KHDRBS2: variants seen among roughly 807,000 people sequenced by gnomAD.
KHDRBS2 encodes the protein KH domain-containing, RNA-binding, signal transduction-associated protein 2.
A neutral mutation model predicts 44.3 loss-of-function variants in KHDRBS2; 26 were observed. The observed-to-expected ratio is 0.59, with a 90% CI of 0.43 to 0.81. The LOEUF is 0.81. KHDRBS2 is among the 40% of genes least tolerant of loss of function. The pLI is 0.00. For missense variants in KHDRBS2, 476 were observed against 433.1 expected (o/e 1.10, Z -0.88); for synonymous variants, 194 against 151.1 (o/e 1.28, Z -2.08).
the KHDRBS2 span, among the ~76,000 whole-genome samples, chr6:61,643,078 A>G: frequency 6.6e-6 from 1 of 152,176 alleles, no homozygotes; most frequent in Non-Finnish European, 1.5e-5. Context: ...GTATACATAT[A>G]TATTCTGATA....
At chr6:61,625,811 G>A in the KHDRBS2 span, among the ~76,000 whole-genome samples, 34 of 152,126 alleles carry the variant, frequency 2.2e-4, no homozygotes, top group African/African-American at 6.3e-4. Flanking sequence ...GGATTCAAAC[G>A]GGCACATCAG....
chr6:61,721,676 T>C (rs1772578681), intron 7 of KHDRBS2, among the ~76,000 whole-genome samples: 1 of 123,544 alleles, frequency 8.1e-6, no homozygotes, highest in African/African-American at 2.7e-5. Context: ...AAGGAGATTT[T>C]GGGCTGAGAC....
chr6:62,282,771 T>C (rs1266851559), intron 1 of KHDRBS2, among the ~76,000 whole-genome samples: 1 of 152,188 alleles, frequency 6.6e-6, no homozygotes, highest in Non-Finnish European at 1.5e-5. Context: ...ATTGAATTTT[T>C]GTTCCGAATA....
At chr6:62,152,534 T>C (rs1210323698) in intron 2 of KHDRBS2, among the ~76,000 whole-genome samples, 4 of 152,188 alleles carry the variant, frequency 2.6e-5, no homozygotes, top group African/African-American at 4.8e-5. Flanking sequence ...CAAGAAAGAA[T>C]ATAAATGACA....
chr6:62,159,485 A>T lies in KHDRBS2; in HGVS notation c.219+17700T>A, dbSNP rs1817159045. 3.3e-5 allele frequency among the ~76,000 whole-genome samples: 5 copies of T among 152,220 alleles called. No homozygotes were observed. In the South Asian group the frequency reaches 1.0e-3, roughly 32 times the overall value. On this transcript the variant is annotated intron_variant, in intron 2 of 8. Transcript: ENST00000281156. ...AGATGACAAAAAGGATTATCAGGTG[A>T]TCCTTGTTCTGAATCCATTATACAG... is the stretch of plus-strand genomic sequence containing the variant.
At chr6:62,090,801 T>C in intron 2 of KHDRBS2, among the ~76,000 whole-genome samples, 1 of 152,188 alleles carries the variant, frequency 6.6e-6, no homozygotes, top group Non-Finnish European at 1.5e-5. Flanking sequence ...CTGTTATTGC[T>C]TTAAATTTTG....
chr6:61,807,370 G>A lies in KHDRBS2; in HGVS notation c.811-74606C>T, dbSNP rs1562221258. Among the ~76,000 whole-genome samples the A allele has an allele frequency of 3.9e-5, 6 of 152,162 alleles. No individual in the cohort carries two copies. The South Asian group carries it at 1.2e-3, about 32-fold the overall frequency. On this transcript the variant is annotated intron_variant, in intron 6 of 8. Coordinates refer to ENST00000281156, the MANE Select transcript of KHDRBS2 (RefSeq NM_152688.4). ...ATTATACCATAAAGACGTATGCACA[G>A]GTATGTTCATTGTAGCACTACTCAC... is the stretch of plus-strand genomic sequence containing the variant.
chr6:62,025,339 A>G (rs1263824388), intron 3 of KHDRBS2, among the ~76,000 whole-genome samples: 1 of 151,596 alleles, frequency 6.6e-6, no homozygotes, highest in Non-Finnish European at 1.5e-5. Context: ...TCCTTACTAC[A>G]TTCTTTTTCC....
At position 62,042,730 on chromosome 6, in the gene KHDRBS2, G is replaced by C. The variant is rs115415468; in HGVS notation, c.336+5148C>G. Among the ~76,000 whole-genome samples, 224 of 152,172 alleles carry C rather than the reference G, an allele frequency of 1.5e-3. 1 individual carries two copies. The highest frequency in any genetic ancestry group is 5.1e-3 in the African/African-American group (210 of 41,546). ...TTTTACTGTTGATGAAAATCAATTT[G>C]CCATGAAATCAGAAAGAATTTACTA... On this transcript the variant is annotated intron_variant, in intron 3 of 8. Transcript: ENST00000281156.
At chr6:61,843,635 G>A (rs1793941186) in intron 6 of KHDRBS2, among the ~76,000 whole-genome samples, 1 of 151,980 alleles carries the variant, frequency 6.6e-6, no homozygotes, top group Admixed American at 6.6e-5. Context: ...AAAGTGCTGG[G>A]ATTACAGGCG....
chr6:61,604,000 C>T, the KHDRBS2 span, among the ~76,000 whole-genome samples: 2 of 152,224 alleles, frequency 1.3e-5, no homozygotes, highest in African/African-American at 2.4e-5. Context: ...GTATCTTCCA[C>T]ACTTATCATT....
intron 2 of KHDRBS2, among the ~76,000 whole-genome samples, chr6:62,084,648 AATAAAG>A (rs1374531961): frequency 2.0e-5 from 3 of 152,182 alleles, no homozygotes; most frequent in African/African-American, 7.2e-5. Context: ...ATTCTGAACT[AATAAAG>A]ATATTTTTAG....
intron 7 of KHDRBS2, among the ~76,000 whole-genome samples, chr6:61,704,319 T>C (rs1769144522): frequency 6.6e-6 from 1 of 151,890 alleles, no homozygotes; most frequent in South Asian, 2.1e-4. Flanking sequence ...GAAAAACCAT[T>C]AAACAAGTGT....
Position 62,104,354 on chromosome 6 carries a change from C to A in KHDRBS2, c.220-56360G>T, listed in dbSNP as rs960602999. On this transcript the variant is annotated intron_variant, in intron 2 of 8. Coordinates refer to ENST00000281156, the MANE Select transcript of KHDRBS2 (RefSeq NM_152688.4). ...ATGTGCACATTGTGCAGGTTAGTTA[C>A]ATATGTATACATGTGCCATGCTGGT... Among the ~76,000 whole-genome samples the A allele has an allele frequency of 5.3e-5, 8 of 152,014 alleles. No homozygotes were observed. The East Asian group carries it at 1.6e-3, about 29-fold the overall frequency.
chr6:61,566,854 A>G, the KHDRBS2 span, among the ~76,000 whole-genome samples: 1 of 152,194 alleles, frequency 6.6e-6, no homozygotes, highest in African/African-American at 2.4e-5. Flanking sequence ...AACTAAGAGT[A>G]ATGGCAATGT....
intron 2 of KHDRBS2, among the ~76,000 whole-genome samples, chr6:62,092,170 G>A (rs550250745): frequency 6.6e-6 from 1 of 151,152 alleles, no homozygotes; most frequent in Non-Finnish European, 1.5e-5. Context: ...ACCATTTCCA[G>A]CAACCTGAGA....
intron 2 of KHDRBS2, among the ~76,000 whole-genome samples, chr6:62,163,713 C>T (rs1429186693): frequency 6.6e-6 from 1 of 151,918 alleles, no homozygotes; most frequent in Non-Finnish European, 1.5e-5. Flanking sequence ...CAGACAGACC[C>T]AGGTTCAAAT....
Position 61,807,840 on chromosome 6 carries a change from A to T in KHDRBS2, c.811-75076T>A, listed in dbSNP as rs866918272. Among the ~76,000 whole-genome samples, 40 of 152,208 alleles carry T rather than the reference A, an allele frequency of 2.6e-4. 1 individual carries two copies. Among genetic ancestry groups the T allele is most frequent in the Admixed American group, 7.9e-4 (12 of 15,266 alleles). On this transcript the variant is annotated intron_variant, in intron 6 of 8. Transcript: ENST00000281156. ...ACCTAAAAGTTAAAATAAAAATAATAATAATAAAGAAATCATATGGCAGTA... is the reference window on the plus strand; with the variant it reads ...ACCTAAAAGTTAAAATAAAAATAATTATAATAAAGAAATCATATGGCAGTA...
At chr6:62,060,715 A>T (rs981398370) in intron 2 of KHDRBS2, among the ~76,000 whole-genome samples, 1 of 151,692 alleles carries the variant, frequency 6.6e-6, no homozygotes, top group African/African-American at 2.4e-5. Context: ...CTTGTCTGCT[A>T]TAAGACCCAA....
Sources: allele counts gnomAD v4.1 joint callset (sites outside exome capture counted in the v4.1 genomes callset), GRCh38; gene constraint gnomAD v4.1.1; transcripts MANE v1.5; gene names NCBI Gene and HGNC (gene_info 2026-07-23, HGNC 2026-07-21).